The following PGM2 variants were observed in gnomAD, a reference collection of about 807,000 sequenced individuals.
The protein encoded by PGM2 is phosphopentomutase.
In PGM2, 57 loss-of-function variants were observed where a neutral mutation model predicts 74.6. That is an observed-to-expected ratio of 0.76 (90% CI 0.62 to 0.95). The LOEUF (loss-of-function observed/expected upper bound fraction) is 0.95. Ranked by LOEUF, PGM2 falls within the 40% of genes least tolerant of loss-of-function variation. PGM2 has a pLI of 0.00. For synonymous variants in PGM2, 273 were observed against 260.7 expected, an observed-to-expected ratio of 1.05 and a Z score of -0.46; for missense variants, 706 against 741.9, an observed-to-expected ratio of 0.95 and a Z score of 0.56.
At chr4:37,858,976 C>CA (rs1343184375) in intron 13 of PGM2, among the ~76,000 whole-genome samples, 1 of 152,102 alleles carries the variant, frequency 6.6e-6, no homozygotes, top group Non-Finnish European at 1.5e-5. Context: ...GATTTGCAGA[C>CA]ATGTGATTTC....
At chr4:37,838,797 A>T (rs145561549) in intron 4 of PGM2, among the ~76,000 whole-genome samples, 4 of 152,366 alleles carry the variant, frequency 2.6e-5, no homozygotes, top group Non-Finnish European at 2.9e-5. Flanking sequence ...GAACCAGTGT[A>T]TCATGATCCT....
At chr4:37,829,863 T>TAC in intron 1 of PGM2, 101 bp from the exon 2 acceptor site, 1 of 334,774 alleles carries the variant, frequency 3.0e-6, no homozygotes, top group Admixed American at 4.9e-5. Flanking sequence ...TATATATACA[T>TAC]ATATATATAT....
intron 12 of PGM2, among the ~76,000 whole-genome samples, chr4:37,851,957 G>T (rs146269173): frequency 2.4e-5 from 2 of 81,770 alleles, no homozygotes; most frequent in Admixed American, 1.2e-4. Context: ...TGTACCTTTT[G>T]TTTGTTTGTT....
intron 7 of PGM2, among the ~76,000 whole-genome samples, 182 bp from the exon 8 acceptor site, chr4:37,845,451 A>G (rs1227927219): frequency 6.6e-6 from 1 of 152,224 alleles, no homozygotes; most frequent in Non-Finnish European, 1.5e-5. Context: ...TATGTGACCA[A>G]CCAAGACCAG....
chr4:37,856,611 T>G (rs1219777830), intron 13 of PGM2, among the ~76,000 whole-genome samples: 1 of 152,088 alleles, frequency 6.6e-6, no homozygotes, highest in Non-Finnish European at 1.5e-5. Flanking sequence ...AACTTAACAT[T>G]TTGCACCTTA....
At chr4:37,838,927 G>A (rs896874859) in intron 4 of PGM2, among the ~76,000 whole-genome samples, 2 of 152,002 alleles carry the variant, frequency 1.3e-5, no homozygotes, top group African/African-American at 4.8e-5. Flanking sequence ...TGGAGGGGAC[G>A]GACAATTTAA....
chr4:37,850,955 C>G (rs1046981557), intron 12 of PGM2, among the ~76,000 whole-genome samples: 1 of 138,610 alleles, frequency 7.2e-6, no homozygotes, highest in Non-Finnish European at 1.5e-5. Context: ...TGCACCACTA[C>G]ACTCTAGCCT....
chr4:37,841,072 G>GTATATATATATATATATATATATATATA (rs36127170), intron 6 of PGM2, among the ~76,000 whole-genome samples: 6 of 113,786 alleles, frequency 5.3e-5, no homozygotes, highest in East Asian at 6.5e-4. Context: ...ATATGCAAGC[G>GTATATATATATATATATATATATATATA]TATATATATA....
chr4:37,846,637 A>C (rs1725879644), intron 8 of PGM2, among the ~76,000 whole-genome samples: 1 of 152,232 alleles, frequency 6.6e-6, no homozygotes, highest in East Asian at 1.9e-4. Context: ...AGGCTTTGCC[A>C]AAGATTAATA....
chr4:37,851,978 T>TTTTTTTTTTTTTTG (rs1434216572), intron 12 of PGM2, among the ~76,000 whole-genome samples: 2 of 147,694 alleles, frequency 1.4e-5, no homozygotes, highest in Admixed American at 6.7e-5. Context: ...TTCTTTTTTT[T>TTTTTTTTTTTTTTG]TGGAGACAGG....
chr4:37,841,841 C>T lies in PGM2; in HGVS notation c.719+1582C>T, dbSNP rs572357791. 1.2e-4 allele frequency among the ~76,000 whole-genome samples: 19 copies of T among 152,298 alleles called. 1 individual carries two copies. In the South Asian group the frequency reaches 2.9e-3, roughly 23 times the overall value. On this transcript the variant is annotated intron_variant, in intron 6 of 13. Coordinates refer to ENST00000381967, the MANE Select transcript of PGM2 (RefSeq NM_018290.4). ...GAGTATGTGTGTGGGTGTGTGCGCG[C>T]GTGCATGCACGTGCATGTGTGTGCG...
chr4:37,845,180 G>T (rs1029628621), intron 7 of PGM2, among the ~76,000 whole-genome samples: 1 of 152,002 alleles, frequency 6.6e-6, no homozygotes, highest in Non-Finnish European at 1.5e-5. Flanking sequence ...ACTTTAGCAG[G>T]TTATGATTTT....
chr4:37,846,274 G>A (rs1014038519), intron 8 of PGM2, among the ~76,000 whole-genome samples: 5 of 152,126 alleles, frequency 3.3e-5, no homozygotes, highest in Admixed American at 1.3e-4. Context: ...AATTTTGGGC[G>A]TCAGGTAGCC....
At chr4:37,830,175 A>T (rs1278995124) in intron 2 of PGM2, 44 bp downstream of exon 2, 2 of 1,346,516 alleles carry the variant, frequency 1.5e-6, no homozygotes, top group Non-Finnish European at 2.0e-6. Flanking sequence ...TGTATCCCCT[A>T]GCTCATTTTC....
intron 3 of PGM2, among the ~76,000 whole-genome samples, chr4:37,835,532 C>CT (rs1418562417): frequency 6.6e-6 from 1 of 152,182 alleles, no homozygotes; most frequent in Admixed American, 6.5e-5. Context: ...ACATAACCCT[C>CT]TTTTTTACTT....
Position 37,840,272 on chromosome 4 carries a change from T to G in PGM2, c.719+13T>G. The G allele has an allele frequency of 1.3e-6, 2 of 1,516,136 alleles. No homozygotes were observed. Among genetic ancestry groups the G allele is most frequent in the Non-Finnish European group, 1.8e-6 (2 of 1,091,770 alleles). The allele number at this position is 1,516,136 out of a possible 1,614,324, so 93.9% of individuals were successfully genotyped here. A position where few individuals can be genotyped will look rare whatever the true frequency, so the allele number is the denominator to read the frequency against. On this transcript the variant is annotated intron_variant, in intron 6 of 13. Coordinates refer to ENST00000381967, the MANE Select transcript of PGM2 (RefSeq NM_018290.4). Reference sequence around the variant, plus strand: ...ACTGTTTCCACAGGTAAATGAATTGTGTCTTCACTGACCTTAAGTGAGTTA... The same window carrying G: ...ACTGTTTCCACAGGTAAATGAATTGGGTCTTCACTGACCTTAAGTGAGTTA...
intron 6 of PGM2, among the ~76,000 whole-genome samples, chr4:37,842,353 A>G (rs1001442475): frequency 2.7e-5 from 4 of 150,918 alleles, no homozygotes; most frequent in Admixed American, 6.6e-5. Flanking sequence ...GACATGCTCT[A>G]TAGCAAAATT....
At chr4:37,838,998 C>G (rs1725635145) in intron 4 of PGM2, among the ~76,000 whole-genome samples, 1 of 152,112 alleles carries the variant, frequency 6.6e-6, no homozygotes, top group Non-Finnish European at 1.5e-5. Flanking sequence ...TAATCCAACC[C>G]CTTCTCCCAT....
intron 3 of PGM2, among the ~76,000 whole-genome samples, chr4:37,835,360 ACACATTG>A (rs1300364070): frequency 6.6e-6 from 1 of 152,198 alleles, no homozygotes; most frequent in African/African-American, 2.4e-5. Context: ...TGGATATCAT[ACACATTG>A]CATATCACAT....
Sources: allele counts gnomAD v4.1 joint callset (sites outside exome capture counted in the v4.1 genomes callset), GRCh38; gene constraint gnomAD v4.1.1; transcripts MANE v1.5; gene names NCBI Gene and HGNC (gene_info 2026-07-23, HGNC 2026-07-21).